The following CCDC93 variants were observed in gnomAD, a reference collection of about 807,000 sequenced individuals.
CCDC93 encodes the protein coiled-coil domain-containing protein 93.
Under a neutral mutation model 108.2 loss-of-function variants are expected in CCDC93, and 61 were observed. The ratio of observed to expected loss-of-function variants is 0.56; its 90% CI spans 0.46 to 0.70. CCDC93 has a LOEUF of 0.70. Among genes scored for constraint, CCDC93 ranks in the 30% least tolerant of loss-of-function variants. The probability of loss-of-function intolerance (pLI) is 0.00; values close to 1 mark genes in which losing one functional copy is unlikely to be tolerated. For missense variants in CCDC93, 685 were observed against 764.2 expected (o/e 0.90, Z 1.22); for synonymous variants, 276 against 260.4 (o/e 1.06, Z -0.58).
At chr2:118,012,299 A>G (rs1483583307) in intron 1 of CCDC93, among the ~76,000 whole-genome samples, 1 of 152,040 alleles carries the variant, frequency 6.6e-6, no homozygotes, top group East Asian at 1.9e-4. Context: ...AATGAATTTA[A>G]TGAATTAACT....
intron 11 of CCDC93, among the ~76,000 whole-genome samples, chr2:117,963,068 C>A (rs1679445314): frequency 1.3e-5 from 2 of 152,170 alleles, no homozygotes; most frequent in African/African-American, 2.4e-5. Flanking sequence ...AAAAGCAGAT[C>A]TTCCCTGAAA....
intron 23 of CCDC93, among the ~76,000 whole-genome samples, chr2:117,923,850 C>T (rs1323592475): frequency 2.6e-5 from 4 of 152,118 alleles, no homozygotes; most frequent in African/African-American, 4.8e-5. Context: ...GTCCCTGACC[C>T]CCGAGTAGCC....
intron 1 of CCDC93, among the ~76,000 whole-genome samples, chr2:118,012,060 T>C (rs1677033638): frequency 6.6e-6 from 1 of 152,154 alleles, no homozygotes; most frequent in Admixed American, 6.5e-5. Flanking sequence ...CCGTCCACTA[T>C]AGTTGTTGTA....
chr2:117,959,455 T>C (rs1679321205), intron 11 of CCDC93, among the ~76,000 whole-genome samples: 1 of 152,234 alleles, frequency 6.6e-6, no homozygotes. Context: ...GATATTCAAC[T>C]TTCCCTGAAT....
chr2:117,983,671 T>C (rs1680227218), intron 7 of CCDC93, among the ~76,000 whole-genome samples: 1 of 66,142 alleles, frequency 1.5e-5, no homozygotes, highest in African/African-American at 6.0e-5. Flanking sequence ...TATATATATA[T>C]ATATATAGTC....
At chr2:117,971,653 G>T (rs895950400) in intron 11 of CCDC93, among the ~76,000 whole-genome samples, 1 of 152,154 alleles carries the variant, frequency 6.6e-6, no homozygotes, top group Admixed American at 6.5e-5. Context: ...TATGGCCGAG[G>T]TCACACAGCT....
In CCDC93 at chr2:117,915,571, T is replaced by G. The variant is rs577830614; in HGVS notation, c.*4772A>C. The stretch of plus-strand genomic sequence containing the variant: ...GTTCTATTAAGAAAAGTATACCAAA[T>G]TAAAAATTAAGAACTATTTTTTAAT... On this transcript the variant is annotated 3_prime_UTR_variant, in exon 24 of 24. Coordinates refer to ENST00000376300, the MANE Select transcript of CCDC93 (RefSeq NM_019044.5). The G allele has an allele frequency of 6.6e-6, 1 of 152,276 alleles. No homozygotes were observed. The highest frequency in any genetic ancestry group is 2.1e-4 in the South Asian group (1 of 4,824). The allele number at this position is 152,276 out of a possible 1,614,324, so 9.4% of individuals were successfully genotyped here.
rs1265545542 is a variant in CCDC93 at position 117,944,157 on chromosome 2, T to C, written c.1351-71A>G. 6.3e-6 allele frequency: 7 copies of C among 1,112,172 alleles called. No individual in the cohort carries two copies. In the Admixed American group the frequency reaches 7.1e-5, roughly 11 times the overall value. The allele number at this position is 1,112,172 out of a possible 1,614,324, so 68.9% of individuals were successfully genotyped here. On this transcript the variant is annotated intron_variant, in intron 17 of 23. Transcript: ENST00000376300. ...CACTCTTTAATGGAGTCTTTGAAAG[T>C]TGAATATGTTTTTATCATATCTCCC... is the stretch of plus-strand genomic sequence containing the variant.
At chr2:117,929,257 TA>T (rs1678239490) in intron 23 of CCDC93, among the ~76,000 whole-genome samples, 1 of 152,126 alleles carries the variant, frequency 6.6e-6, no homozygotes, top group Admixed American at 6.5e-5. Context: ...ACTTAAAGTA[TA>T]ATAAAAAAAA....
intron 12 of CCDC93, among the ~76,000 whole-genome samples, chr2:117,953,875 T>C (rs988179195): frequency 5.9e-5 from 9 of 152,026 alleles, no homozygotes; most frequent in Non-Finnish European, 1.2e-4. Context: ...GCGTAGATGA[T>C]GGAGTGAGAC....
chr2:117,983,575 A>T (rs1403417432), intron 7 of CCDC93, among the ~76,000 whole-genome samples: 1 of 136,392 alleles, frequency 7.3e-6, no homozygotes, highest in African/African-American at 2.8e-5. Context: ...GAGAATGATG[A>T]CAGCAGCCAA....
At chr2:117,940,798 A>G (rs916589942) in intron 19 of CCDC93, among the ~76,000 whole-genome samples, 6 of 152,142 alleles carry the variant, frequency 3.9e-5, no homozygotes, top group African/African-American at 1.4e-4. Context: ...GATGCTGTTA[A>G]GGGTTAAGGA....
At chr2:118,003,298 A>T (rs986171963) in intron 3 of CCDC93, among the ~76,000 whole-genome samples, 5 of 152,144 alleles carry the variant, frequency 3.3e-5, no homozygotes, top group Non-Finnish European at 5.9e-5. Context: ...CTTTTTTTAA[A>T]ATTTTGATCT....
intron 2 of CCDC93, 131 bp from the exon 3 acceptor site, chr2:118,006,947 AGAGT>A (rs1305006885): frequency 1.6e-5 from 10 of 629,882 alleles, no homozygotes; most frequent in African/African-American, 9.2e-5. Flanking sequence ...CTTGAGAGAG[AGAGT>A]GTGTGTCCTC....
At chr2:117,994,340 A>G (rs1680577558) in intron 6 of CCDC93, among the ~76,000 whole-genome samples, 1 of 152,208 alleles carries the variant, frequency 6.6e-6, no homozygotes, top group African/African-American at 2.4e-5. Flanking sequence ...TTATTGTTTA[A>G]TACTGCCACC....
At chr2:117,931,894 C>G (rs1054473433) in intron 22 of CCDC93, among the ~76,000 whole-genome samples, 1 of 152,166 alleles carries the variant, frequency 6.6e-6, no homozygotes, top group Non-Finnish European at 1.5e-5. Flanking sequence ...GACTTAGAAC[C>G]TACTGAGTAG....
intron 1 of CCDC93, 108 bp downstream of exon 1, chr2:118,013,846 G>A (rs1558810790): frequency 1.0e-6 from 1 of 975,122 alleles, no homozygotes; most frequent in African/African-American, 1.7e-5. Flanking sequence ...CCTGAGGAAG[G>A]GGGCGGGGCG....
chr2:117,993,447 A>AAC (rs1680549304), intron 6 of CCDC93, among the ~76,000 whole-genome samples: 1 of 151,962 alleles, frequency 6.6e-6, no homozygotes, highest in South Asian at 2.1e-4. Flanking sequence ...CCAAAAAAAA[A>AAC]AACAAAAAAC....
intron 11 of CCDC93, among the ~76,000 whole-genome samples, chr2:117,965,759 G>GC (rs1679545527): frequency 6.6e-6 from 1 of 151,882 alleles, no homozygotes; most frequent in South Asian, 2.1e-4. Context: ...CGCAATCCCT[G>GC]CCCCCTACAC....
Sources: gnomAD v4.1 joint callset for allele counts (sites outside exome capture counted in the v4.1 genomes callset) on GRCh38, gnomAD v4.1.1 for gene constraint, MANE v1.5 for transcripts, NCBI Gene and HGNC (gene_info 2026-07-23, HGNC 2026-07-21) for gene names.